Variants in CNGB3 observed in about 807,000 individuals in gnomAD.
CNGB3 encodes cyclic nucleotide-gated channel beta-3.
In CNGB3, 86 loss-of-function variants were observed where a neutral mutation model predicts 92.8. That is an observed-to-expected ratio of 0.93 (90% CI 0.78 to 1.11). CNGB3 has a LOEUF of 1.11. CNGB3 is among the 50% of genes least tolerant of loss of function. The probability of loss-of-function intolerance (pLI) is 0.00; values close to 1 mark genes in which losing one functional copy is unlikely to be tolerated. For synonymous variants in CNGB3, 333 were observed against 332.7 expected (o/e 1.00, Z -0.01); for missense variants, 1,026 against 956.8 (o/e 1.07, Z -0.95).
At position 86,643,240 on chromosome 8, in the gene CNGB3, C is replaced by A. The variant is rs961378065; in HGVS notation, c.1178+511G>T. 4.0e-5 allele frequency among the ~76,000 whole-genome samples: 6 copies of A among 151,422 alleles called. No homozygotes were observed. The South Asian group carries it at 1.0e-3, about 26-fold the overall frequency. On this transcript the variant is annotated intron_variant, in intron 10 of 17. Coordinates refer to ENST00000320005, the MANE Select transcript of CNGB3 (RefSeq NM_019098.5). The stretch of plus-strand genomic sequence containing the variant: ...TTAAAAATTTTTATTTAGACCAATT[C>A]ATGGGGTACTCATGCAATTTTGTTA...
At chr8:86,687,092 C>A (rs1824201504) in intron 3 of CNGB3, among the ~76,000 whole-genome samples, 1 of 151,986 alleles carries the variant, frequency 6.6e-6, no homozygotes, top group African/African-American at 2.4e-5. Flanking sequence ...TACCACTTCA[C>A]ACTCACTAGG....
chr8:86,619,929 C>T (rs1408362549), intron 13 of CNGB3, among the ~76,000 whole-genome samples: 1 of 151,904 alleles, frequency 6.6e-6, no homozygotes, highest in Non-Finnish European at 1.5e-5. Flanking sequence ...ACTATGTTGC[C>T]AGGCTGGTTT....
Position 86,594,000 on chromosome 8 carries a change from A to G in CNGB3, c.1781+10093T>C, listed in dbSNP as rs1363341575. The G allele has an allele frequency of 1.1e-5, 5 of 436,742 alleles. No individual in the cohort carries two copies. The Middle Eastern group carries it at 2.1e-3, about 181-fold the overall frequency. 27.1% of individuals were successfully genotyped at this position (436,742 alleles called of 1,614,324 possible). A position where few individuals can be genotyped will look rare whatever the true frequency, so the allele number is the denominator to read the frequency against. On this transcript the variant is annotated intron_variant, in intron 15 of 17. Coordinates refer to ENST00000320005, the MANE Select transcript of CNGB3 (RefSeq NM_019098.5). ...TTGTTGAACATCATCACCTGGTACAAGTACTCCTTATGGCCCTAGGACATG... is the reference window on the plus strand; with the variant it reads ...TTGTTGAACATCATCACCTGGTACAGGTACTCCTTATGGCCCTAGGACATG...
intron 15 of CNGB3, chr8:86,593,668 G>A: frequency 1.7e-6 from 1 of 593,724 alleles, no homozygotes; most frequent in Non-Finnish European, 3.0e-6. Context: ...AATGGTGTCT[G>A]TCTGCCCACA....
intron 3 of CNGB3, among the ~76,000 whole-genome samples, chr8:86,683,609 A>G (rs1360868390): frequency 6.6e-6 from 1 of 152,152 alleles, no homozygotes; most frequent in Non-Finnish European, 1.5e-5. Flanking sequence ...AGACATTTAT[A>G]CTGACTAGGT....
At position 86,575,728 on chromosome 8, in the gene CNGB3, T is replaced by C. The variant is rs762595113; in HGVS notation, c.*76A>G. On this transcript the variant is annotated 3_prime_UTR_variant, in exon 18 of 18. Transcript: ENST00000320005. Reference sequence around the variant, plus strand: ...AAGGGTCCCAGCATGTCGTTTCCCCTCGTTAATTTAAGTTACAATCCTAGG... The same window carrying C: ...AAGGGTCCCAGCATGTCGTTTCCCCCCGTTAATTTAAGTTACAATCCTAGG... 6 of 1,370,410 alleles carry C rather than the reference T, an allele frequency of 4.4e-6. No individual in the cohort carries two copies. Among genetic ancestry groups the C allele is most frequent in the Non-Finnish European group, 6.2e-6 (6 of 971,912 alleles). The allele number at this position is 1,370,410 out of a possible 1,614,324, so 84.9% of individuals were successfully genotyped here. A position where few individuals can be genotyped will look rare whatever the true frequency, so the allele number is the denominator to read the frequency against.
rs1465517967 is a variant in CNGB3 at position 86,741,665 on chromosome 8, C to CA, written c.129+1833dup. Among the ~76,000 whole-genome samples, 9 of 144,410 alleles carry CA rather than the reference C, an allele frequency of 6.2e-5. No homozygotes were observed. In the South Asian group the frequency reaches 6.7e-4, roughly 11 times the overall value. 94.7% of individuals were successfully genotyped at this position (144,410 alleles called of 152,430 possible). A position where few individuals can be genotyped will look rare whatever the true frequency, so the allele number is the denominator to read the frequency against. On this transcript the variant is annotated intron_variant, in intron 1 of 17. Transcript: ENST00000320005. The stretch of plus-strand genomic sequence containing the variant: ...TGGGCGACAGAATGAGACTCTGTCT[C>CA]AAAAAAAACAAAAAAAAAAAATCTA...
At chr8:86,635,689 T>G (rs896240544) in intron 10 of CNGB3, among the ~76,000 whole-genome samples, 1 of 151,350 alleles carries the variant, frequency 6.6e-6, no homozygotes, top group Non-Finnish European at 1.5e-5. Flanking sequence ...ATTAGCTTAA[T>G]TAGTCAAGTG....
intron 13 of CNGB3, among the ~76,000 whole-genome samples, chr8:86,623,472 C>T (rs1050734593): frequency 1.3e-5 from 2 of 152,140 alleles, no homozygotes; most frequent in African/African-American, 4.8e-5. Flanking sequence ...TTGCTGCATC[C>T]TCCAGATGGG....
At chr8:86,586,948 C>T (rs28849843) in intron 15 of CNGB3, among the ~76,000 whole-genome samples, 37,373 of 134,858 alleles carry the variant, frequency 0.28, 4,690 homozygotes, top group Admixed American at 0.4. Context: ...TTTACAGTCC[C>T]ACCAACAGTG....
At chr8:86,639,741 A>G (rs1004343181) in intron 10 of CNGB3, among the ~76,000 whole-genome samples, 2 of 152,144 alleles carry the variant, frequency 1.3e-5, no homozygotes, top group Non-Finnish European at 2.9e-5. Flanking sequence ...ACATATGCAA[A>G]TTATCTAAAA....
chr8:86,634,134 A>G (rs1823017712), intron 10 of CNGB3, among the ~76,000 whole-genome samples: 1 of 152,216 alleles, frequency 6.6e-6, no homozygotes, highest in African/African-American at 2.4e-5. Flanking sequence ...AGCTATCCAG[A>G]GAGTCCTTAA....
intron 2 of CNGB3, among the ~76,000 whole-genome samples, chr8:86,733,761 AC>A (rs1825198704): frequency 2.0e-5 from 3 of 152,240 alleles, no homozygotes; most frequent in African/African-American, 7.2e-5. Flanking sequence ...TCCACATAGG[AC>A]ACATTAAATT....
intron 3 of CNGB3, among the ~76,000 whole-genome samples, chr8:86,685,306 TG>T (rs1824165126): frequency 6.6e-6 from 1 of 152,070 alleles, no homozygotes; most frequent in African/African-American, 2.4e-5. Context: ...TCACTCAGAG[TG>T]GTCCACAGAC....
At chr8:86,713,774 A>T (rs895770896) in intron 3 of CNGB3, among the ~76,000 whole-genome samples, 1 of 152,196 alleles carries the variant, frequency 6.6e-6, no homozygotes, top group Non-Finnish European at 1.5e-5. Context: ...AAGAAATTCT[A>T]AAATTAATCA....
At chr8:86,670,511 T>C (rs1423908869) in intron 4 of CNGB3, among the ~76,000 whole-genome samples, 4 of 152,136 alleles carry the variant, frequency 2.6e-5, no homozygotes, top group African/African-American at 9.7e-5. Flanking sequence ...TTTTCAAGTA[T>C]GAGCCACACA....
intron 3 of CNGB3, among the ~76,000 whole-genome samples, chr8:86,694,066 G>A (rs797022404): frequency 0.25 from 6,764 of 27,002 alleles, 155 homozygotes; most frequent in East Asian, 0.36. Flanking sequence ...GCGGCTGGCC[G>A]GGCGGGGGGG....
intron 10 of CNGB3, among the ~76,000 whole-genome samples, chr8:86,635,619 A>T (rs995801426): frequency 6.6e-6 from 1 of 151,604 alleles, no homozygotes; most frequent in African/African-American, 2.4e-5. Context: ...ACACCTAGAC[A>T]TGCATAACCA....
chr8:86,619,361 C>A (rs1416749765), intron 13 of CNGB3, among the ~76,000 whole-genome samples: 4 of 152,144 alleles, frequency 2.6e-5, no homozygotes, highest in African/African-American at 9.7e-5. Context: ...TGAATCGCTG[C>A]TTATTAGCTT....
Sources: allele counts gnomAD v4.1 joint callset (sites outside exome capture counted in the v4.1 genomes callset), GRCh38; gene constraint gnomAD v4.1.1; transcripts MANE v1.5; gene names NCBI Gene and HGNC (gene_info 2026-07-23, HGNC 2026-07-21).